EYA1: variants seen among roughly 807,000 people sequenced by gnomAD.
EYA1 encodes the protein EYA transcriptional coactivator and phosphatase 1.
Under a neutral mutation model 82.0 loss-of-function variants are expected in EYA1, and 16 were observed. The ratio of observed to expected loss-of-function variants is 0.20; its 90% CI spans 0.13 to 0.30. The LOEUF (loss-of-function observed/expected upper bound fraction) is 0.30, where lower values mean the gene tolerates loss of function less well. Ranked by LOEUF, EYA1 falls within the 10% of genes least tolerant of loss-of-function variation. The pLI is 1.00. For synonymous variants in EYA1, 261 were observed against 264.4 expected, an observed-to-expected ratio of 0.99 and a Z score of 0.12; for missense variants, 633 against 730.7, an observed-to-expected ratio of 0.87 and a Z score of 1.54.
chr8:71,301,135 G>A lies in EYA1; in HGVS notation c.557-1415C>T, dbSNP rs1280771931. Among the ~76,000 whole-genome samples the A allele has an allele frequency of 2.0e-5, 3 of 152,166 alleles. 1 individual carries two copies. Among genetic ancestry groups the A allele is most frequent in the Admixed American group, 1.3e-4 (2 of 15,276 alleles). On this transcript the variant is annotated intron_variant, in intron 7 of 17. Coordinates refer to ENST00000340726, the MANE Select transcript of EYA1 (RefSeq NM_000503.6). ...CTCTTCAATGTGAACTCACTATTCAGATGGCTCCAGGTATAAAATGTGGTA... is the reference window on the plus strand; with the variant it reads ...CTCTTCAATGTGAACTCACTATTCAAATGGCTCCAGGTATAAAATGTGGTA...
chr8:71,291,950 TG>T (rs1453020168), intron 9 of EYA1, among the ~76,000 whole-genome samples: 1 of 152,136 alleles, frequency 6.6e-6, no homozygotes, highest in African/African-American at 2.4e-5. Flanking sequence ...CTAAGAGATT[TG>T]GGATAAAAAA....
At chr8:71,347,289 C>A (rs963451839) in intron 3 of EYA1, among the ~76,000 whole-genome samples, 1 of 151,808 alleles carries the variant, frequency 6.6e-6, no homozygotes, top group African/African-American at 2.4e-5. Flanking sequence ...AAATGAGGTG[C>A]CTAAAAGTTA....
Position 71,299,843 on chromosome 8 carries a change from T to C in EYA1, c.557-123A>G, listed in dbSNP as rs549912061. On this transcript the variant is annotated intron_variant, in intron 7 of 17. Coordinates refer to ENST00000340726, the MANE Select transcript of EYA1 (RefSeq NM_000503.6). ...TTATCTTCGACACTAGAATCTGTTG[T>C]CATGTCTAAAATGTAGTTTTCTTAA... 4.7e-5 allele frequency: 33 copies of C among 697,952 alleles called. 1 individual carries two copies. In the East Asian group the frequency reaches 7.6e-4, roughly 16 times the overall value. The allele number at this position is 697,952 out of a possible 1,614,324, so 43.2% of individuals were successfully genotyped here.
Position 71,322,226 on chromosome 8 carries a change from A to T in EYA1, c.245T>A (p.Phe82Tyr), listed in dbSNP as rs777629266. ...SSFSPRPTHQ[F>Y]SPPQIYPSNR... ...GGAAGGGTAAATCTGTGGTGGAGAG[A>T]ACTGGTGAGTTGGTCGTGGGCTGAA... Residue 82 changes from phenylalanine to tyrosine, a missense_variant, in exon 5 of 18, where the codon TTC becomes TAC. Phe to Tyr is a conservative substitution (Grantham distance 22, BLOSUM62 3). Coordinates refer to ENST00000340726, the MANE Select transcript of EYA1 (RefSeq NM_000503.6). 2 of 1,614,076 alleles carry T rather than the reference A, an allele frequency of 1.2e-6. No individual in the cohort carries two copies. Among genetic ancestry groups the T allele is most frequent in the Middle Eastern group, 1.6e-4 (1 of 6,062 alleles).
chr8:71,354,951 C>A, intron 2 of EYA1, 42 bp from the exon 3 acceptor site: 1 of 1,600,498 alleles, frequency 6.2e-7, no homozygotes. Context: ...GTACCAAATT[C>A]ATAACACCAC....
At chr8:71,429,185 T>C (rs1805455962) in intron 2 of EYA1, among the ~76,000 whole-genome samples, 1 of 152,164 alleles carries the variant, frequency 6.6e-6, no homozygotes, top group South Asian at 2.1e-4. Context: ...CTTAAAAGCA[T>C]CAAAATTAGC....
At chr8:71,294,181 C>A (rs1430202958) in intron 9 of EYA1, among the ~76,000 whole-genome samples, 3 of 152,150 alleles carry the variant, frequency 2.0e-5, no homozygotes, top group Non-Finnish European at 4.4e-5. Flanking sequence ...ACACACCGGC[C>A]GGGCGCGGTG....
intron 2 of EYA1, among the ~76,000 whole-genome samples, chr8:71,462,139 G>A (rs993490898): frequency 1.3e-5 from 2 of 152,026 alleles, no homozygotes; most frequent in South Asian, 2.1e-4. Context: ...GGGACCCACC[G>A]CTTCTGCTCA....
chr8:71,436,047 G>T (rs1805987666), intron 2 of EYA1, among the ~76,000 whole-genome samples: 1 of 152,050 alleles, frequency 6.6e-6, no homozygotes, highest in Admixed American at 6.6e-5. Context: ...ATTCAGTGAT[G>T]CATTTTAAAA....
At chr8:71,261,904 A>G (rs748174417) in intron 11 of EYA1, among the ~76,000 whole-genome samples, 10 of 152,080 alleles carry the variant, frequency 6.6e-5, no homozygotes, top group Non-Finnish European at 1.2e-4. Flanking sequence ...GGCCTTTATT[A>G]TTTTCTACCA....
chr8:71,412,425 A>AT (rs1379778088), intron 2 of EYA1, among the ~76,000 whole-genome samples: 4 of 96,634 alleles, frequency 4.1e-5, no homozygotes, highest in African/African-American at 1.3e-4. Flanking sequence ...ATAAAATAAA[A>AT]TAAAAAAAAG....
intron 11 of EYA1, among the ~76,000 whole-genome samples, chr8:71,261,168 T>TA (rs543492915): frequency 5.9e-4 from 90 of 151,968 alleles, no homozygotes; most frequent in Middle Eastern, 6.8e-3. Flanking sequence ...TTTTAAAAAA[T>TA]AAAAAATAAA....
chr8:71,366,266 TA>T (rs562947648), upstream of EYA1, among the ~76,000 whole-genome samples: 3 of 152,046 alleles, frequency 2.0e-5, no homozygotes, highest in African/African-American at 7.2e-5. Context: ...TGCAGGTGCT[TA>T]AAAAAATGAT....
At chr8:71,537,751 G>A (rs1814822605) in intron 1 of EYA1, among the ~76,000 whole-genome samples, 1 of 152,028 alleles carries the variant, frequency 6.6e-6, no homozygotes, top group South Asian at 2.1e-4. Context: ...TGATATTCCA[G>A]GATTATTTTC....
At chr8:71,322,014 C>A in intron 5 of EYA1, 135 bp from the exon 6 acceptor site, 1 of 1,247,156 alleles carries the variant, frequency 8.0e-7, no homozygotes, top group East Asian at 2.4e-5. Context: ...ATTGACAAAG[C>A]ACTGAAATAC....
chr8:71,492,033 T>G (rs181983574), intron 2 of EYA1, among the ~76,000 whole-genome samples: 2 of 152,302 alleles, frequency 1.3e-5, no homozygotes, highest in African/African-American at 4.8e-5. Flanking sequence ...CCATCAGCCC[T>G]GCAGGAACTA....
At chr8:71,291,071 C>T (rs1021890242) in intron 9 of EYA1, among the ~76,000 whole-genome samples, 3 of 152,164 alleles carry the variant, frequency 2.0e-5, no homozygotes, top group African/African-American at 7.2e-5. Flanking sequence ...TTTTCCAAAA[C>T]GTTCACTTAG....
intron 2 of EYA1, among the ~76,000 whole-genome samples, chr8:71,391,119 G>A (rs760943737): frequency 2.0e-5 from 3 of 152,068 alleles, no homozygotes; most frequent in Non-Finnish European, 4.4e-5. Flanking sequence ...GACTACAGGT[G>A]TGTGCCACCA....
At chr8:71,274,464 T>A (rs2128956330) in intron 9 of EYA1, among the ~76,000 whole-genome samples, 1 of 152,274 alleles carries the variant, frequency 6.6e-6, no homozygotes, top group Non-Finnish European at 1.5e-5. Flanking sequence ...CTCTCCAAAT[T>A]GTTCAAGTTT....
Sources: gnomAD v4.1 joint callset for allele counts (sites outside exome capture counted in the v4.1 genomes callset) on GRCh38, gnomAD v4.1.1 for gene constraint, MANE v1.5 for transcripts, NCBI Gene and HGNC (gene_info 2026-07-23, HGNC 2026-07-21) for gene names.